CAMK2A: variants seen among roughly 807,000 people sequenced by gnomAD.
The protein encoded by CAMK2A is calcium/calmodulin-dependent protein kinase type II subunit alpha.
In CAMK2A, 7 loss-of-function variants were observed where a neutral mutation model predicts 79.2. The observed-to-expected ratio is 0.09, with a 90% CI of 0.05 to 0.17. The LOEUF is 0.17. CAMK2A is among the 10% of genes least tolerant of loss of function. The pLI is 1.00. For synonymous variants in CAMK2A, 242 were observed against 251.7 expected (o/e 0.96, Z 0.36); for missense variants, 214 against 646.4 (o/e 0.33, Z 7.25).
chr5:150,279,475 A>T (rs1002275986), intron 1 of CAMK2A, among the ~76,000 whole-genome samples: 1 of 152,226 alleles, frequency 6.6e-6, no homozygotes, highest in African/African-American at 2.4e-5. Context: ...CAATGAGATA[A>T]TAAGGTAGGC....
intron 13 of CAMK2A, among the ~76,000 whole-genome samples, chr5:150,243,434 C>T (rs1755434474): frequency 6.6e-6 from 1 of 152,166 alleles, no homozygotes; most frequent in African/African-American, 2.4e-5. Context: ...TTGCACATCC[C>T]TCTATTACCC....
rs1220379551 is a variant in CAMK2A at position 150,273,099 on chromosome 5, G to C, written c.123C>G (p.Ala41=). The change falls in exon 2 of 19, where the codon GCC becomes GCG. Residue 41 remains alanine, a synonymous_variant. Coordinates refer to ENST00000671881, the MANE Select transcript of CAMK2A (RefSeq NM_015981.4). ...VKVLAGQEYA[A]KIINTKKLSA... is the part of the protein sequence containing the mutation. ...ACAGCTTCTTTGTGTTGATGATCTT[G>C]GCAGCATACTCCTGGCCAGCCAGCA... 6.2e-7 allele frequency: 1 copy of C among 1,613,704 alleles called. No homozygotes were observed. Among genetic ancestry groups the C allele is most frequent in the Non-Finnish European group, 8.5e-7 (1 of 1,179,950 alleles).
rs1755600577 is a variant in CAMK2A, at chr5:150,247,015, G to T, written c.943+757C>A. 2.0e-5 allele frequency among the ~76,000 whole-genome samples: 3 copies of T among 152,240 alleles called. No homozygotes were observed. In the South Asian group the frequency reaches 6.2e-4, roughly 31 times the overall value. On this transcript the variant is annotated intron_variant, in intron 12 of 18. Transcript: ENST00000671881. ...AGAAGGAAGCCTCTGGAGGGCACTGGCCCCAGCCCTCTCTGATGTGCCAAG... is the reference window on the plus strand; with the variant it reads ...AGAAGGAAGCCTCTGGAGGGCACTGTCCCCAGCCCTCTCTGATGTGCCAAG...
intron 3 of CAMK2A, among the ~76,000 whole-genome samples, chr5:150,262,188 G>A (rs1319795765): frequency 6.6e-6 from 1 of 152,108 alleles, no homozygotes; most frequent in African/African-American, 2.4e-5. Flanking sequence ...GGACTGACCT[G>A]GGACCTCACT....
At chr5:150,232,762 G>A (rs1394379375) in intron 15 of CAMK2A, among the ~76,000 whole-genome samples, 1 of 152,212 alleles carries the variant, frequency 6.6e-6, no homozygotes, top group Non-Finnish European at 1.5e-5. Context: ...GTCCTCACCA[G>A]TTGCCCACAC....
At chr5:150,234,736 C>G (rs1754991247) in intron 15 of CAMK2A, among the ~76,000 whole-genome samples, 1 of 152,174 alleles carries the variant, frequency 6.6e-6, no homozygotes, top group African/African-American at 2.4e-5. Flanking sequence ...TTCCCAGCAG[C>G]CTGATATGAG....
Position 150,251,678 on chromosome 5 carries a change from G to A in CAMK2A, c.693+72C>T. On this transcript the variant is annotated intron_variant, in intron 9 of 18. Transcript: ENST00000671881. ...TTCACCCCTGTGCCAGAACTAGAGA[G>A]TGGCTTGGCGCTGGCTTTCACTGGA... The A allele has an allele frequency of 3.3e-6, 4 of 1,197,140 alleles. No homozygotes were observed. In the South Asian group the frequency reaches 6.1e-5, roughly 18 times the overall value. 74.2% of individuals were successfully genotyped at this position (1,197,140 alleles called of 1,614,324 possible).
At chr5:150,261,232 C>T (rs989502300) in intron 3 of CAMK2A, among the ~76,000 whole-genome samples, 3 of 152,212 alleles carry the variant, frequency 2.0e-5, no homozygotes, top group Non-Finnish European at 4.4e-5. Flanking sequence ...TCAGCCCCTA[C>T]GTTTGCAGTG....
chr5:150,271,725 A>G (rs1479663242), intron 2 of CAMK2A, among the ~76,000 whole-genome samples: 1 of 152,192 alleles, frequency 6.6e-6, no homozygotes, highest in Non-Finnish European at 1.5e-5. Flanking sequence ...GCCTCTCTGA[A>G]GATAACCCTT....
rs1754347844 is a variant in CAMK2A at position 150,222,258 on chromosome 5, T to C, written c.*452A>G. ...CGGTTGGCTTAGGGGGAAGGGAGTGTCATCTGCCCTTCCCCGGGGACACTG... is the reference window on the plus strand; with the variant it reads ...CGGTTGGCTTAGGGGGAAGGGAGTGCCATCTGCCCTTCCCCGGGGACACTG... On this transcript the variant is annotated 3_prime_UTR_variant, in exon 19 of 19. Transcript: ENST00000671881. 1.8e-6 allele frequency: 1 copy of C among 544,964 alleles called. No individual in the cohort carries two copies. Among genetic ancestry groups the C allele is most frequent in the South Asian group, 2.1e-5 (1 of 47,592 alleles). The allele number at this position is 544,964 out of a possible 1,614,324, so 33.8% of individuals were successfully genotyped here.
At chr5:150,288,119 GCA>G (rs1265965219) in intron 1 of CAMK2A, among the ~76,000 whole-genome samples, 2 of 151,948 alleles carry the variant, frequency 1.3e-5, no homozygotes, top group African/African-American at 4.8e-5. Flanking sequence ...ACATGCGTGT[GCA>G]CACACACGTA....
chr5:150,273,438 C>T lies in CAMK2A; in HGVS notation c.63-279G>A, dbSNP rs571415932. On this transcript the variant is annotated intron_variant, in intron 1 of 18. Coordinates refer to ENST00000671881, the MANE Select transcript of CAMK2A (RefSeq NM_015981.4). ...TCATCATGCTGTAAAACATTAGAAT[C>T]ACGTAGTGTTAGAACCGTGGAATCC... 2.0e-5 allele frequency among the ~76,000 whole-genome samples: 3 copies of T among 152,324 alleles called. No homozygotes were observed. The South Asian group carries it at 6.2e-4, about 32-fold the overall frequency.
At chr5:150,234,339 C>A (rs1754974711) in intron 15 of CAMK2A, among the ~76,000 whole-genome samples, 1 of 152,174 alleles carries the variant, frequency 6.6e-6, no homozygotes, top group Non-Finnish European at 1.5e-5. Context: ...GTCATGGATT[C>A]TGGAGCCAAA....
At chr5:150,275,873 C>T (rs1259001859) in intron 1 of CAMK2A, among the ~76,000 whole-genome samples, 1 of 152,032 alleles carries the variant, frequency 6.6e-6, no homozygotes, top group Non-Finnish European at 1.5e-5. Flanking sequence ...TTATGGAGGC[C>T]TCATCACTAG....
rs536285727 is a variant in CAMK2A, at chr5:150,265,231, C to T, written c.158-216G>A. On this transcript the variant is annotated intron_variant, in intron 2 of 18. Coordinates refer to ENST00000671881, the MANE Select transcript of CAMK2A (RefSeq NM_015981.4). ...TGGGTTGCAGTGACTCAAGCACATC[C>T]CTCGCCCTCTCTGGCCTCCGTTTCC... 30 of 550,714 alleles carry T rather than the reference C, an allele frequency of 5.4e-5. No homozygotes were observed. The South Asian group carries it at 5.9e-4, about 11-fold the overall frequency. 34.1% of individuals were successfully genotyped at this position (550,714 alleles called of 1,614,324 possible). A position where few individuals can be genotyped will look rare whatever the true frequency, so the allele number is the denominator to read the frequency against.
At chr5:150,245,328 C>T in intron 12 of CAMK2A, 127 bp from the exon 13 acceptor site, 1 of 760,858 alleles carries the variant, frequency 1.3e-6, no homozygotes, top group Admixed American at 2.3e-5. Context: ...GCCCAGCGAT[C>T]CTGGGGGAGG....
intron 15 of CAMK2A, among the ~76,000 whole-genome samples, chr5:150,236,192 T>C (rs1227333808): frequency 6.6e-6 from 1 of 152,178 alleles, no homozygotes; most frequent in African/African-American, 2.4e-5. Context: ...CCCAAAGCCA[T>C]TACCCCAAGA....
At chr5:150,257,906 C>T (rs567454695) in intron 3 of CAMK2A, among the ~76,000 whole-genome samples, 16 of 152,366 alleles carry the variant, frequency 1.1e-4, no homozygotes, top group Admixed American at 1.3e-4. Flanking sequence ...GGTTGCTGGG[C>T]AGGCCCAAGT....
At chr5:150,238,632 A>G (rs1397881553) in intron 15 of CAMK2A, 68 bp downstream of exon 15, 2 of 1,454,376 alleles carry the variant, frequency 1.4e-6, no homozygotes, top group East Asian at 2.4e-5. Context: ...AGCTGTCAGG[A>G]AAAAGAGGTC....
Sources: allele counts gnomAD v4.1 joint callset (sites outside exome capture counted in the v4.1 genomes callset), GRCh38; gene constraint gnomAD v4.1.1; transcripts MANE v1.5; gene names NCBI Gene and HGNC (gene_info 2026-07-23, HGNC 2026-07-21).